The following CTNND2 variants were observed in gnomAD, a reference collection of about 807,000 sequenced individuals.
CTNND2 encodes catenin delta 2, also known as catenin delta-2.
A neutral mutation model predicts 144.4 loss-of-function variants in CTNND2; 22 were observed. That is an observed-to-expected ratio of 0.15 (90% confidence interval 0.11 to 0.22). CTNND2 has a LOEUF of 0.22. CTNND2 is among the 10% of genes least tolerant of loss of function. The probability of loss-of-function intolerance (pLI) is 1.00; values close to 1 mark genes in which losing one functional copy is unlikely to be tolerated. For missense variants in CTNND2, 1,353 were observed against 1,618.8 expected (o/e 0.84, Z 2.82); for synonymous variants, 751 against 695.6 (o/e 1.08, Z -1.25).
At chr5:11,394,369 T>C (rs1246932044) in intron 6 of CTNND2, among the ~76,000 whole-genome samples, 1 of 152,098 alleles carries the variant, frequency 6.6e-6, no homozygotes, top group Admixed American at 6.5e-5. Context: ...AAGAATAACC[T>C]AGACACACAA....
chr5:11,653,070 C>CTT (rs765207824), intron 2 of CTNND2, among the ~76,000 whole-genome samples: 3 of 143,502 alleles, frequency 2.1e-5, no homozygotes, highest in African/African-American at 7.9e-5. Context: ...GAACAAAATT[C>CTT]GTGTGTGTGT....
chr5:11,774,367 A>C (rs1790119710), intron 1 of CTNND2, among the ~76,000 whole-genome samples: 2 of 126,552 alleles, frequency 1.6e-5, no homozygotes, highest in South Asian at 5.0e-4. Context: ...ACATGGACAC[A>C]GGAAGGGGAA....
At chr5:11,256,560 C>T (rs114876443) in intron 9 of CTNND2, among the ~76,000 whole-genome samples, 1 of 152,224 alleles carries the variant, frequency 6.6e-6, no homozygotes, top group African/African-American at 2.4e-5. Flanking sequence ...GAAACTATTC[C>T]AAGATAAAGT....
Position 11,236,787 on chromosome 5 carries a change from C to T in CTNND2, c.1665G>A (p.Val555=). 1.9e-6 allele frequency: 3 copies of T among 1,614,186 alleles called. No individual in the cohort carries two copies. Among genetic ancestry groups the T allele is most frequent in the Non-Finnish European group, 2.5e-6 (3 of 1,180,034 alleles). ...FGWRDPELPE[V]IQMLQHQFPS... is the part of the protein sequence containing the mutation. Reference sequence around the variant, plus strand: ...GAAACTGGTGCTGCAACATCTGAATCACTTCCGGCAGTTCCGGGTCTCTCC... The same window carrying T: ...GAAACTGGTGCTGCAACATCTGAATTACTTCCGGCAGTTCCGGGTCTCTCC... The change falls in exon 10 of 22, where the codon GTG becomes GTA. Residue 555 remains valine (V), a synonymous_variant. Transcript: ENST00000304623.
intron 3 of CTNND2, among the ~76,000 whole-genome samples, chr5:11,427,130 C>T (rs1047768763): frequency 4.6e-5 from 7 of 152,110 alleles, no homozygotes; most frequent in Non-Finnish European, 8.8e-5. Flanking sequence ...GTGCTAACAA[C>T]TTAAAATTTT....
rs560670071 is a variant in CTNND2 at position 11,610,548 on chromosome 5, C to A, written c.175-45492G>T. ...GCTGCCTCAATTTTCACCCTCAGCC[C>A]AGGGAACCCACCGTCCAATAAGACA... is the stretch of plus-strand genomic sequence containing the variant. On this transcript the variant is annotated intron_variant, in intron 2 of 21. Coordinates refer to ENST00000304623, the MANE Select transcript of CTNND2 (RefSeq NM_001332.4). 4.6e-5 allele frequency among the ~76,000 whole-genome samples: 7 copies of A among 152,234 alleles called. No individual in the cohort carries two copies. In the South Asian group the frequency reaches 1.5e-3, roughly 32 times the overall value.
intron 3 of CTNND2, among the ~76,000 whole-genome samples, chr5:11,528,002 T>A (rs1773417974): frequency 6.6e-6 from 1 of 152,182 alleles, no homozygotes; most frequent in African/African-American, 2.4e-5. Flanking sequence ...CATAATAACA[T>A]AACAATATTA....
At position 11,732,153 on chromosome 5, in the gene CTNND2, C is replaced by T. The variant is rs761131174; in HGVS notation, c.157G>A (p.Ala53Thr). 1.8e-5 allele frequency: 29 copies of T among 1,613,214 alleles called. No homozygotes were observed. The highest frequency in any genetic ancestry group is 2.4e-5 in the Non-Finnish European group (28 of 1,179,470). ...GTTTCTACCTGTTCTTTGACTGAGGCGAGGATGGCAGAGGTGGTTTCTGTT... is the reference window on the plus strand; with the variant it reads ...GTTTCTACCTGTTCTTTGACTGAGGTGAGGATGGCAGAGGTGGTTTCTGTT... ...SETETTSAIL[A>T]SVKEQELQFE... is the part of the protein sequence containing the mutation. Residue 53 changes from alanine to threonine, a missense_variant, in exon 2 of 22, where the codon GCC becomes ACC. Ala to Thr is a moderately conservative substitution (Grantham distance 58). Transcript: ENST00000304623.
intron 18 of CTNND2, among the ~76,000 whole-genome samples, chr5:11,006,200 TAAG>T (rs1315404401): frequency 2.0e-5 from 3 of 152,014 alleles, no homozygotes; most frequent in African/African-American, 7.2e-5. Context: ...TAGAGAAAAA[TAAG>T]AATAGTGACA....
intron 3 of CTNND2, among the ~76,000 whole-genome samples, chr5:11,558,980 T>C (rs974366370): frequency 2.0e-5 from 3 of 152,230 alleles, no homozygotes; most frequent in Admixed American, 2.0e-4. Flanking sequence ...CAAATGTATA[T>C]TTGGTTTGGG....
intron 2 of CTNND2, among the ~76,000 whole-genome samples, chr5:11,706,210 G>A (rs574074378): frequency 6.6e-6 from 1 of 152,188 alleles, no homozygotes; most frequent in Non-Finnish European, 1.5e-5. Context: ...GAGGTTCTGA[G>A]GAGGGGGCCC....
At chr5:10,977,634 G>A (rs1194993145) in intron 21 of CTNND2, among the ~76,000 whole-genome samples, 1 of 152,072 alleles carries the variant, frequency 6.6e-6, no homozygotes, top group Non-Finnish European at 1.5e-5. Context: ...TGTATTTTTT[G>A]TAGACACACA....
At chr5:11,765,564 T>C (rs1431366986) in intron 1 of CTNND2, among the ~76,000 whole-genome samples, 1 of 152,204 alleles carries the variant, frequency 6.6e-6, no homozygotes, top group African/African-American at 2.4e-5. Flanking sequence ...ATATTTTGTA[T>C]GTGAGGTATG....
intron 12 of CTNND2, among the ~76,000 whole-genome samples, chr5:11,120,683 A>G (rs146030387): frequency 0.087 from 6,773 of 77,518 alleles, no homozygotes; most frequent in Non-Finnish European, 0.12. Context: ...TGCAGGCAAC[A>G]TGAGGCTCAG....
intron 2 of CTNND2, among the ~76,000 whole-genome samples, chr5:11,711,357 G>A (rs909134788): frequency 3.9e-5 from 6 of 152,120 alleles, no homozygotes; most frequent in South Asian, 2.1e-4. Context: ...ACGCCGGGCC[G>A]ACTGGCCTAA....
At chr5:11,017,237 G>A (rs1326773075) in intron 18 of CTNND2, among the ~76,000 whole-genome samples, 1 of 152,070 alleles carries the variant, frequency 6.6e-6, no homozygotes, top group Non-Finnish European at 1.5e-5. Context: ...TGGAAATGAG[G>A]CCTTGAATAA....
intron 10 of CTNND2, among the ~76,000 whole-genome samples, chr5:11,233,956 A>G (rs573279798): frequency 2.6e-5 from 4 of 152,238 alleles, no homozygotes; most frequent in African/African-American, 9.6e-5. Context: ...TTCTCATCCC[A>G]GCCTCCCAGG....
intron 3 of CTNND2, among the ~76,000 whole-genome samples, chr5:11,525,073 T>C (rs757582399): frequency 3.9e-5 from 6 of 152,214 alleles, no homozygotes; most frequent in Admixed American, 6.5e-5. Context: ...TTTGTGTTTA[T>C]TGTAAGATAA....
rs552593481 is a variant in CTNND2, at chr5:11,889,887, C to T, written c.37+13930G>A. 1.9e-3 allele frequency among the ~76,000 whole-genome samples: 287 copies of T among 152,126 alleles called. 2 individuals carry two copies. The highest frequency in any genetic ancestry group is 0.014 in the Middle Eastern group (4 of 294). ...AACCTTTATCACTCAAGGTCTTATG[C>T]CAAAATTAGCATCTGAATATTTTAT... is the stretch of plus-strand genomic sequence containing the variant. On this transcript the variant is annotated intron_variant, in intron 1 of 21. Coordinates refer to ENST00000304623, the MANE Select transcript of CTNND2 (RefSeq NM_001332.4).
Sources: allele counts gnomAD v4.1 joint callset (sites outside exome capture counted in the v4.1 genomes callset), GRCh38; gene constraint gnomAD v4.1.1; transcripts MANE v1.5; gene names NCBI Gene and HGNC (gene_info 2026-07-23, HGNC 2026-07-21).